The following WDR47 variants were observed in gnomAD, a reference collection of about 807,000 sequenced individuals.
WDR47 encodes the protein WD repeat domain 47.
WDR47 carries 32 observed loss-of-function variants against 97.2 expected under a neutral mutation model. The observed-to-expected ratio is 0.33, with a 90% confidence interval of 0.25 to 0.44. The LOEUF is 0.44. WDR47 is among the 20% of genes least tolerant of loss of function. The pLI is 1.00. For missense variants in WDR47, 782 were observed against 1,102.3 expected (o/e 0.71, Z 4.11); for synonymous variants, 375 against 373.5 (o/e 1.00, Z -0.05).
At chr1:109,033,779 C>G (rs778730575) in intron 1 of WDR47, among the ~76,000 whole-genome samples, 21 of 152,270 alleles carry the variant, frequency 1.4e-4, no homozygotes, top group Non-Finnish European at 2.8e-4. Context: ...ATTAGCTGGA[C>G]GTGATGGCAC....
chr1:108,982,027 G>T (rs562393665), intron 12 of WDR47, among the ~76,000 whole-genome samples, 163 bp from the exon 13 acceptor site: 2 of 150,198 alleles, frequency 1.3e-5, no homozygotes, highest in Admixed American at 6.6e-5. Flanking sequence ...GTTCGAGGCT[G>T]CAGTGAGCTA....
Position 108,983,322 on chromosome 1 carries a change from G to C in WDR47, c.2055C>G (p.Val685=). The C allele has an allele frequency of 6.2e-7, 1 of 1,612,464 alleles. No homozygotes were observed. The highest frequency in any genetic ancestry group is 1.1e-5 in the South Asian group (1 of 90,844). The change falls in exon 11 of 15, where the codon GTC becomes GTG. Residue 685 remains valine, a synonymous_variant. Coordinates refer to ENST00000369962, the MANE Select transcript of WDR47 (RefSeq NM_001142551.2). Reference sequence around the variant, plus strand: ...TCTCTGCATTGAAGGGCAGCACTTTGACGTATTTGTCATTTGATCCTGTTG... The same window carrying C: ...TCTCTGCATTGAAGGGCAGCACTTTCACGTATTTGTCATTTGATCCTGTTG... ...LLATGSNDKY[V]KVLPFNAETC...
chr1:108,981,980 C>G, intron 12 of WDR47, 116 bp from the exon 13 acceptor site: 3 of 1,183,408 alleles, frequency 2.5e-6, no homozygotes, highest in Non-Finnish European at 3.5e-6. Context: ...CCCAGCTACT[C>G]AGGAGGCTGA....
intron 5 of WDR47, among the ~76,000 whole-genome samples, chr1:109,006,411 G>C (rs1421897991): frequency 6.6e-6 from 1 of 152,066 alleles, no homozygotes; most frequent in Admixed American, 6.6e-5. Context: ...AAAGACTGAG[G>C]AGTTTTTTGG....
At chr1:109,033,104 G>C (rs530138994) in intron 1 of WDR47, among the ~76,000 whole-genome samples, 3 of 152,080 alleles carry the variant, frequency 2.0e-5, no homozygotes, top group Non-Finnish European at 4.4e-5. Flanking sequence ...GACCAGCCTG[G>C]CCAAGATGGT....
chr1:109,021,711 G>A (rs2101991107), intron 2 of WDR47, among the ~76,000 whole-genome samples: 1 of 152,148 alleles, frequency 6.6e-6, no homozygotes, highest in East Asian at 1.9e-4. Flanking sequence ...ATTTTTAATA[G>A]AGACGGGATT....
At chr1:108,977,562 C>G (rs1285310647) in intron 13 of WDR47, among the ~76,000 whole-genome samples, 4 of 152,148 alleles carry the variant, frequency 2.6e-5, no homozygotes, top group African/African-American at 9.7e-5. Flanking sequence ...ACTAAGAACT[C>G]TTTTTAAGGC....
chr1:109,039,132 T>G (rs945662165), intron 1 of WDR47, among the ~76,000 whole-genome samples: 1 of 152,158 alleles, frequency 6.6e-6, no homozygotes, highest in Non-Finnish European at 1.5e-5. Flanking sequence ...GGGTAATGAG[T>G]GATGAGCATT....
At chr1:108,991,806 T>G (rs910401691) in intron 8 of WDR47, among the ~76,000 whole-genome samples, 2 of 152,074 alleles carry the variant, frequency 1.3e-5, no homozygotes, top group African/African-American at 4.8e-5. Flanking sequence ...TTCCTTCCAA[T>G]CAGCTTTTAA....
At chr1:108,986,311 A>C (rs1476858335) in intron 10 of WDR47, among the ~76,000 whole-genome samples, 1 of 152,220 alleles carries the variant, frequency 6.6e-6, no homozygotes, top group Non-Finnish European at 1.5e-5. Context: ...GTAATCAAAA[A>C]CATTTTATGA....
chr1:108,986,408 C>T (rs994497228), intron 10 of WDR47, 115 bp downstream of exon 10: 7 of 916,776 alleles, frequency 7.6e-6, no homozygotes, highest in South Asian at 6.6e-5. Context: ...AAAGTTTAAT[C>T]GAAGGAAAGA....
At chr1:108,976,926 C>T (rs1422586830) in intron 13 of WDR47, among the ~76,000 whole-genome samples, 3 of 152,060 alleles carry the variant, frequency 2.0e-5, no homozygotes, top group Non-Finnish European at 4.4e-5. Flanking sequence ...TCCTGTAGGT[C>T]GTGATAACAA....
At chr1:109,023,032 A>G (rs1015809664) in intron 2 of WDR47, among the ~76,000 whole-genome samples, 2 of 151,362 alleles carry the variant, frequency 1.3e-5, no homozygotes. Context: ...GTGAAACCCC[A>G]TCTCTACTAA....
intron 9 of WDR47, among the ~76,000 whole-genome samples, chr1:108,988,682 A>C (rs1240533791): frequency 6.6e-6 from 1 of 152,218 alleles, no homozygotes; most frequent in East Asian, 1.9e-4. Context: ...ATTCTGTCTC[A>C]AATTAAATAA....
At chr1:109,039,560 T>A (rs567142321) in intron 1 of WDR47, among the ~76,000 whole-genome samples, 62 of 152,246 alleles carry the variant, frequency 4.1e-4, no homozygotes, top group African/African-American at 1.4e-3. Flanking sequence ...GCCCAGCCGG[T>A]ATAAACCCTT....
chr1:109,015,572 C>T (rs1661354490), intron 3 of WDR47, among the ~76,000 whole-genome samples: 2 of 151,976 alleles, frequency 1.3e-5, no homozygotes, highest in African/African-American at 4.8e-5. Context: ...AAGTGATCCG[C>T]CTGCCTCGGC....
At chr1:109,029,119 T>C (rs1662433376) in intron 1 of WDR47, among the ~76,000 whole-genome samples, 1 of 152,224 alleles carries the variant, frequency 6.6e-6, no homozygotes, top group Non-Finnish European at 1.5e-5. Flanking sequence ...GGGGTCTCTA[T>C]GTGGACTCCT....
intron 7 of WDR47, among the ~76,000 whole-genome samples, chr1:109,000,858 T>C (rs1318997614): frequency 6.6e-6 from 1 of 152,224 alleles, no homozygotes; most frequent in Non-Finnish European, 1.5e-5. Context: ...AGTTACCTAA[T>C]TGTAATCATG....
At chr1:109,028,362 G>GTTTTTTTTTTTTTTTT (rs372929187) in intron 1 of WDR47, among the ~76,000 whole-genome samples, 33 of 79,802 alleles carry the variant, frequency 4.1e-4, no homozygotes, top group African/African-American at 4.5e-4. Flanking sequence ...TTTTTGTTGG[G>GTTTTTTTTTTTTTTTT]TTTTTTTTTT....
Sources: gnomAD v4.1 joint callset for allele counts (sites outside exome capture counted in the v4.1 genomes callset) on GRCh38, gnomAD v4.1.1 for gene constraint, MANE v1.5 for transcripts, NCBI Gene and HGNC (gene_info 2026-07-23, HGNC 2026-07-21) for gene names.